The following LGALS16 variants were observed in gnomAD, a reference collection of about 807,000 sequenced individuals.
LGALS16 encodes the protein galectin-16.
In LGALS16, 15 loss-of-function variants were observed where a neutral mutation model predicts 13.2. The observed-to-expected ratio is 1.13, with a 90% CI of 0.76 to 1.75. The LOEUF (loss-of-function observed/expected upper bound fraction) is 1.75, where lower values mean the gene tolerates loss of function less well. Among genes scored for constraint, LGALS16 ranks in the 40% most tolerant of loss-of-function variants. The probability of loss-of-function intolerance (pLI) is 0.00; values close to 1 mark genes in which losing one functional copy is unlikely to be tolerated. For synonymous variants in LGALS16, 66 were observed against 65.4 expected, an observed-to-expected ratio of 1.01 and a Z score of -0.05; for missense variants, 198 against 178.4, an observed-to-expected ratio of 1.11 and a Z score of -0.63.
chr19:39,659,817 T>A lies in LGALS16; in HGVS notation c.304-578T>A, dbSNP rs140902768. 4.3e-3 allele frequency among the ~76,000 whole-genome samples: 651 copies of A among 152,332 alleles called. 4 individuals are homozygous for A. Among genetic ancestry groups the A allele is most frequent in the African/African-American group, 0.015 (628 of 41,586 alleles). ...TAACGAGTAGGCCAAAAGATTCACA[T>A]CTTATTCAGATTCAAGTGAGGGATC... On this transcript the variant is annotated intron_variant, in intron 3 of 3. Transcript: ENST00000392051.
In LGALS16 at chr19:39,660,388, C is replaced by G; in HGVS notation, c.304-7C>G. ...ACTGTCTTTCTGATGCATTTTTCCT[C>G]TTAAAGGTAAAGGTAAATGGTGAAT... On this transcript the variant is annotated splice_polypyrimidine_tract_variant and splice_region_variant and intron_variant, in intron 3 of 3. Coordinates refer to ENST00000392051, the MANE Select transcript of LGALS16 (RefSeq NM_001190441.3). 6.5e-7 allele frequency: 1 copy of G among 1,540,560 alleles called. No individual in the cohort carries two copies. The highest frequency in any genetic ancestry group is 8.7e-7 in the Non-Finnish European group (1 of 1,147,942).
chr19:39,658,406 G>A, intron 2 of LGALS16, 54 bp from the exon 3 acceptor site: 1 of 1,390,588 alleles, frequency 7.2e-7, no homozygotes, highest in South Asian at 1.2e-5. Context: ...CGTGTCAAGT[G>A]TGTGTCTGTG....
Position 39,660,413 on chromosome 19 carries a change from T to G in LGALS16, c.322T>G (p.Tyr108Asp). 6.5e-7 allele frequency: 1 copy of G among 1,540,588 alleles called. No individual in the cohort carries two copies. The highest frequency in any genetic ancestry group is 8.7e-7 in the Non-Finnish European group (1 of 1,147,580). Residue 108 changes from tyrosine (Y) to aspartate (D), a missense_variant, in exon 4 of 4, where the codon TAC (tyrosine) becomes GAC (aspartate). Coordinates refer to ENST00000392051, the MANE Select transcript of LGALS16 (RefSeq NM_001190441.3). Reference protein sequence around the residue: ...NEYEVKVNGEYIYAFVHRIPP... With the variant: ...NEYEVKVNGEDIYAFVHRIPP... ...CTTAAAGGTAAAGGTAAATGGTGAA[T>G]ACATTTATGCCTTTGTCCATCGAAT...
chr19:39,658,438 A>G, intron 2 of LGALS16, 22 bp from the exon 3 acceptor site: 1 of 1,561,284 alleles, frequency 6.4e-7, no homozygotes, highest in Non-Finnish European at 8.7e-7. Context: ...CCTGTCCAAT[A>G]TGCTGTGTGC....
rs1253980475 is a variant in LGALS16, at chr19:39,658,673, G to A, written c.303+3G>A. The A allele has an allele frequency of 6.4e-7, 1 of 1,559,232 alleles. No individual in the cohort carries two copies. Among genetic ancestry groups the A allele is most frequent in the Middle Eastern group, 1.7e-4 (1 of 6,010 alleles). ...ACGTGTGTCACAATGAGTATGAGGT[G>A]AGCACCCCAGGAGCTCGCAGTACCC... On this transcript the variant is annotated splice_donor_region_variant and intron_variant, in intron 3 of 3. Coordinates refer to ENST00000392051, the MANE Select transcript of LGALS16 (RefSeq NM_001190441.3).
intron 3 of LGALS16, among the ~76,000 whole-genome samples, chr19:39,659,692 GAAAAATATGTGC>G (rs1973237860): frequency 1.3e-5 from 2 of 152,240 alleles, no homozygotes; most frequent in South Asian, 4.1e-4. Context: ...AAAACTGGTT[GAAAAATATGTGC>G]ATTTTAAATT....
chr19:39,657,470 C>T (rs940087244), intron 1 of LGALS16, among the ~76,000 whole-genome samples: 1 of 151,952 alleles, frequency 6.6e-6, no homozygotes, highest in African/African-American at 2.4e-5. Flanking sequence ...AGGAGGACTC[C>T]CCTGTTCTGT....
intron 3 of LGALS16, 45 bp downstream of exon 3, chr19:39,658,715 C>T (rs1379361549): frequency 1.1e-5 from 14 of 1,288,560 alleles, no homozygotes; most frequent in Non-Finnish European, 1.4e-5. Context: ...TTTGGGATCC[C>T]AGAGCAGGAG....
chr19:39,659,202 C>A (rs909809561), intron 3 of LGALS16, among the ~76,000 whole-genome samples: 2 of 151,318 alleles, frequency 1.3e-5, no homozygotes, highest in Admixed American at 1.3e-4. Flanking sequence ...CAGATTCAAG[C>A]GATTCTCTTG....
At chr19:39,658,816 G>A in intron 3 of LGALS16, 146 bp downstream of exon 3, 1 of 624,566 alleles carries the variant, frequency 1.6e-6, no homozygotes, top group Admixed American at 2.5e-5. Context: ...AGCACCCTCT[G>A]CTTGCACTGC....
Position 39,658,619 on chromosome 19 carries a change from G to A in LGALS16, c.252G>A (p.Glu84=), listed in dbSNP as rs755812739. The A allele has an allele frequency of 6.2e-7, 1 of 1,603,016 alleles. No individual in the cohort carries two copies. The highest frequency in any genetic ancestry group is 1.1e-5 in the South Asian group (1 of 90,274). ...AGAATTTACACTATGTGCCCTTTGA[G>A]GATGGCAAACCATTTGACTTGCGCA... The part of the protein sequence containing the change: ...LEENLHYVPF[E]DGKPFDLRIY... The change falls in exon 3 of 4, where the codon GAG becomes GAA. Residue 84 remains glutamate (E), a synonymous_variant. Transcript: ENST00000392051.
In LGALS16 at chr19:39,660,467, G is replaced by T; in HGVS notation, c.376G>T (p.Val126Leu). The part of the protein sequence containing the change: ...IPPSYVKMIQ[V>L]WRDVSLDSVL... The stretch of plus-strand genomic sequence containing the variant: ...GCCATCATATGTGAAGATGATTCAA[G>T]TGTGGAGAGATGTCTCCCTGGACTC... Residue 126 changes from valine to leucine, a missense_variant, in exon 4 of 4, where the codon GTG becomes TTG. Coordinates refer to ENST00000392051, the MANE Select transcript of LGALS16 (RefSeq NM_001190441.3). 6.5e-7 allele frequency: 1 copy of T among 1,542,768 alleles called. No individual in the cohort carries two copies.
chr19:39,659,369 C>T (rs1023608576), intron 3 of LGALS16, among the ~76,000 whole-genome samples: 5 of 152,108 alleles, frequency 3.3e-5, no homozygotes, highest in East Asian at 1.9e-4. Context: ...CATATGCCAC[C>T]GTGCCAACCC....
rs1023525212 is a variant in LGALS16, at chr19:39,660,611, C to T, written c.*91C>T. ...CAGAATAATCCCTCCTCAACCCCTT[C>T]CCCTACACTTGGTCATTAAAACAGC... On this transcript the variant is annotated 3_prime_UTR_variant, in exon 4 of 4. Coordinates refer to ENST00000392051, the MANE Select transcript of LGALS16 (RefSeq NM_001190441.3). The T allele has an allele frequency of 1.8e-6, 2 of 1,105,200 alleles. No homozygotes were observed. The highest frequency in any genetic ancestry group is 2.9e-5 in the South Asian group (2 of 69,836). 68.5% of individuals were successfully genotyped at this position (1,105,200 alleles called of 1,614,324 possible).
chr19:39,658,270 G>A (rs1973217824), intron 2 of LGALS16, among the ~76,000 whole-genome samples, 190 bp from the exon 3 acceptor site: 1 of 152,180 alleles, frequency 6.6e-6, no homozygotes, highest in Non-Finnish European at 1.5e-5. Context: ...GTTTTCATCT[G>A]GGGATGAGGG....
At chr19:39,656,658 A>G (rs1568483959) in intron 1 of LGALS16, among the ~76,000 whole-genome samples, 1 of 152,002 alleles carries the variant, frequency 6.6e-6, no homozygotes. Flanking sequence ...TGATCAGTAG[A>G]TGTCTCTTCC....
chr19:39,656,039 G>A (rs2144862778), intron 1 of LGALS16, 63 bp downstream of exon 1: 1 of 1,549,240 alleles, frequency 6.5e-7, no homozygotes, highest in East Asian at 2.3e-5. Context: ...AAGATGTGGG[G>A]TATTTTATGA....
At chr19:39,658,236 G>A (rs916727403) in intron 2 of LGALS16, among the ~76,000 whole-genome samples, 4 of 152,194 alleles carry the variant, frequency 2.6e-5, no homozygotes, top group Non-Finnish European at 5.9e-5. Flanking sequence ...CAAGTCACAG[G>A]CCCAGGTCAG....
At position 39,657,874 on chromosome 19, in the gene LGALS16, C is replaced by T. The variant is rs961182720; in HGVS notation, c.16-9C>T. ...CTGCACCTCTCACTTATTCTCAATA[C>T]CCTGGCAGGTGCCATACAAACTGCC... On this transcript the variant is annotated splice_polypyrimidine_tract_variant and intron_variant, in intron 1 of 3. Coordinates refer to ENST00000392051, the MANE Select transcript of LGALS16 (RefSeq NM_001190441.3). The T allele has an allele frequency of 1.4e-5, 23 of 1,613,414 alleles. No individual in the cohort carries two copies. Among genetic ancestry groups the T allele is most frequent in the Non-Finnish European group, 1.9e-5 (22 of 1,179,960 alleles).
Sources: gnomAD v4.1 joint callset for allele counts (sites outside exome capture counted in the v4.1 genomes callset) on GRCh38, gnomAD v4.1.1 for gene constraint, MANE v1.5 for transcripts, NCBI Gene and HGNC (gene_info 2026-07-23, HGNC 2026-07-21) for gene names.